The following PPP1R12B variants were observed in gnomAD, a reference collection of about 807,000 sequenced individuals.
PPP1R12B encodes the protein myosin phosphatase target subunit 2.
PPP1R12B carries 76 observed loss-of-function variants against 126.1 expected under a neutral mutation model. The ratio of observed to expected loss-of-function variants is 0.60; its 90% CI spans 0.50 to 0.73. The LOEUF is 0.73. Among genes scored for constraint, PPP1R12B ranks in the 30% least tolerant of loss-of-function variants. The probability of loss-of-function intolerance (pLI) is 0.00; values close to 1 mark genes in which losing one functional copy is unlikely to be tolerated. For synonymous variants in PPP1R12B, 356 were observed against 434.7 expected (o/e 0.82, Z 2.25); for missense variants, 1,052 against 1,205.1 (o/e 0.87, Z 1.88).
Position 202,431,508 on chromosome 1 carries a change from A to T in PPP1R12B, c.1030A>T (p.Thr344Ser). 2 of 1,610,654 alleles carry T rather than the reference A, an allele frequency of 1.2e-6. No individual in the cohort carries two copies. The highest frequency in any genetic ancestry group is 1.7e-6 in the Non-Finnish European group (2 of 1,178,806). ...AGAGAAGATGCTCTATGAGGAGGAG[A>T]CACCTAAGTCCCAAGAAATGGAGGA... Reference protein sequence around the residue: ...NKEKMLYEEETPKSQEMEEEN... With the variant: ...NKEKMLYEEESPKSQEMEEEN... Residue 344 changes from threonine to serine, a missense_variant, in exon 8 of 24, where the codon ACA (threonine) becomes TCA (serine). Thr to Ser is a moderately conservative substitution (Grantham distance 58). Coordinates refer to ENST00000608999, the MANE Select transcript of PPP1R12B (RefSeq NM_002481.4).
intron 18 of PPP1R12B, chr1:202,502,202 T>G: frequency 2.0e-6 from 2 of 985,074 alleles, no homozygotes; most frequent in Non-Finnish European, 2.4e-6. Flanking sequence ...CCCTCAAAAC[T>G]GATTGGTAAA....
rs546773418 is a variant in PPP1R12B, at chr1:202,431,551, G to A, written c.1073G>A (p.Ser358Asn). ...ATGGAGGAAGAAAATAAAGAATCTA[G>A]TAGCTCCAGCTCAGAGGAGGAGGAA... ...QEMEEENKES[S>N]SSSSEEEEGE... The change falls in exon 8 of 24, where the codon AGT (serine) becomes AAT (asparagine). Residue 358 changes from serine (S) to asparagine (N), a missense_variant. Transcript: ENST00000608999. The A allele has an allele frequency of 6.2e-7, 1 of 1,613,578 alleles. No homozygotes were observed. The highest frequency in any genetic ancestry group is 8.5e-7 in the Non-Finnish European group (1 of 1,179,712).
intron 13 of PPP1R12B, among the ~76,000 whole-genome samples, chr1:202,465,447 T>C (rs951861479): frequency 2.6e-5 from 4 of 152,224 alleles, no homozygotes; most frequent in African/African-American, 9.6e-5. Context: ...ATTGAAAACT[T>C]GCTAGCCTCT....
intron 1 of PPP1R12B, among the ~76,000 whole-genome samples, chr1:202,371,548 A>T (rs901593860): frequency 5.9e-4 from 89 of 151,212 alleles, no homozygotes; most frequent in African/African-American, 2.1e-3. Flanking sequence ...GTTTTTTATT[A>T]TTGATTTGTA....
chr1:202,469,498 T>G (rs1257159172), intron 13 of PPP1R12B, among the ~76,000 whole-genome samples: 4 of 152,300 alleles, frequency 2.6e-5, no homozygotes, highest in Admixed American at 6.5e-5. Context: ...AAAATTTTCC[T>G]TATGCTAGGA....
At chr1:202,353,750 A>G (rs1292709981) in intron 1 of PPP1R12B, among the ~76,000 whole-genome samples, 1 of 151,942 alleles carries the variant, frequency 6.6e-6, no homozygotes, top group Non-Finnish European at 1.5e-5. Context: ...AACTGGGACT[A>G]CAGGCACACC....
intron 2 of PPP1R12B, among the ~76,000 whole-genome samples, chr1:202,420,168 T>C (rs1285526360): frequency 6.6e-6 from 1 of 152,220 alleles, no homozygotes; most frequent in African/African-American, 2.4e-5. Context: ...ATAGTGAAAT[T>C]AGGGTCCCAA....
intron 10 of PPP1R12B, chr1:202,438,850 C>A: frequency 9.0e-7 from 1 of 1,106,888 alleles, no homozygotes; most frequent in Non-Finnish European, 1.4e-6. Context: ...ATGGTCACTG[C>A]TGACTCCATC....
chr1:202,525,749 G>C (rs1432849861), intron 18 of PPP1R12B, among the ~76,000 whole-genome samples: 1 of 151,996 alleles, frequency 6.6e-6, no homozygotes, highest in Admixed American at 6.5e-5. Flanking sequence ...GGCTGGAGTG[G>C]TGCAATGGTG....
Position 202,422,842 on chromosome 1 carries a change from A to G in PPP1R12B, c.541+104A>G, listed in dbSNP as rs1302095492. 5.9e-6 allele frequency: 9 copies of G among 1,521,696 alleles called. No homozygotes were observed. The East Asian group carries it at 7.1e-5, about 12-fold the overall frequency. The allele number at this position is 1,521,696 out of a possible 1,614,324, so 94.3% of individuals were successfully genotyped here. A position where few individuals can be genotyped will look rare whatever the true frequency, so the allele number is the denominator to read the frequency against. On this transcript the variant is annotated intron_variant, in intron 3 of 23. Transcript: ENST00000608999. ...GAGCATTTCACTATCACATGACAGG[A>G]GAGGATTTGATCTGTCTGCACTGCA...
At chr1:202,447,640 A>G (rs886094037) in intron 12 of PPP1R12B, among the ~76,000 whole-genome samples, 1 of 152,242 alleles carries the variant, frequency 6.6e-6, no homozygotes, top group Admixed American at 6.5e-5. Flanking sequence ...ATTACACTGC[A>G]TTTCAAAATA....
intron 13 of PPP1R12B, among the ~76,000 whole-genome samples, chr1:202,466,901 A>G (rs1675071008): frequency 6.6e-6 from 1 of 152,212 alleles, no homozygotes; most frequent in African/African-American, 2.4e-5. Flanking sequence ...ATTGTCTTAC[A>G]TGTCACCCAA....
intron 18 of PPP1R12B, among the ~76,000 whole-genome samples, chr1:202,503,870 T>C (rs755439184): frequency 1.2e-4 from 18 of 151,982 alleles, no homozygotes; most frequent in Non-Finnish European, 2.2e-4. Context: ...GACCTGGACA[T>C]TCCAGGGCAT....
rs1307014480 is a variant in PPP1R12B at position 202,419,636 on chromosome 1, C to T, written c.422+2719C>T. On this transcript the variant is annotated intron_variant, in intron 2 of 23. Transcript: ENST00000608999. This position sits in a 1 kb window ranked among gnomAD's most constrained non-coding sequence, Gnocchi z 4.6. Reference sequence around the variant, plus strand: ...ATACCCAAGTGACATTATGCCTGATCCAGTAGGGATGGAATAGATGTCAGA... The same window carrying T: ...ATACCCAAGTGACATTATGCCTGATTCAGTAGGGATGGAATAGATGTCAGA... 6.6e-6 allele frequency among the ~76,000 whole-genome samples: 1 copy of T among 151,876 alleles called. No individual in the cohort carries two copies. The highest frequency in any genetic ancestry group is 1.5e-5 in the Non-Finnish European group (1 of 67,986).
intron 1 of PPP1R12B, among the ~76,000 whole-genome samples, chr1:202,409,531 AG>A: frequency 6.6e-6 from 1 of 152,146 alleles, no homozygotes; most frequent in Non-Finnish European, 1.5e-5. Context: ...CATGTTGGCC[AG>A]GATGGTCTCA....
At chr1:202,366,709 T>A (rs980753713) in intron 1 of PPP1R12B, among the ~76,000 whole-genome samples, 1 of 152,114 alleles carries the variant, frequency 6.6e-6, no homozygotes, top group African/African-American at 2.4e-5. Flanking sequence ...AATGATGATG[T>A]TGATTATAAT....
chr1:202,521,105 G>A (rs1428842010), intron 18 of PPP1R12B, among the ~76,000 whole-genome samples: 1 of 152,120 alleles, frequency 6.6e-6, no homozygotes, highest in Non-Finnish European at 1.5e-5. Flanking sequence ...ACAAGCAAGC[G>A]CAGGAAACCA....
Position 202,438,303 on chromosome 1 carries a change from A to G in PPP1R12B, c.1458+279A>G, listed in dbSNP as rs762423825. 14 of 1,495,546 alleles carry G rather than the reference A, an allele frequency of 9.4e-6. No homozygotes were observed. The Admixed American group carries it at 2.1e-4, about 22-fold the overall frequency. The allele number at this position is 1,495,546 out of a possible 1,614,324, so 92.6% of individuals were successfully genotyped here. On this transcript the variant is annotated intron_variant, in intron 10 of 23. Transcript: ENST00000608999. ...CCTTACCTAAAGCAAAAAATGGATCAGCAACATAAAAATTTCAGTATGGCG... is the reference window on the plus strand; with the variant it reads ...CCTTACCTAAAGCAAAAAATGGATCGGCAACATAAAAATTTCAGTATGGCG...
intron 18 of PPP1R12B, among the ~76,000 whole-genome samples, chr1:202,512,510 C>T (rs923920166): frequency 3.9e-5 from 6 of 152,282 alleles, no homozygotes; most frequent in African/African-American, 1.4e-4. Flanking sequence ...CTCTTATTAG[C>T]TGGGTGGTCT....
Sources: gnomAD v4.1 joint callset for allele counts (sites outside exome capture counted in the v4.1 genomes callset) on GRCh38, gnomAD v4.1.1 for gene constraint, Gnocchi (gnomAD v3.1) non-coding constraint, MANE v1.5 for transcripts, NCBI Gene and HGNC (gene_info 2026-07-23, HGNC 2026-07-21) for gene names.